Variants in ZNF527 observed in about 807,000 individuals in gnomAD.
The protein encoded by ZNF527 is zinc finger protein 527.
ZNF527 carries 5 observed loss-of-function variants against 13.5 expected under a neutral mutation model. That is an observed-to-expected ratio of 0.37 (90% confidence interval 0.19 to 0.78). The LOEUF is 0.78. Among genes scored for constraint, ZNF527 ranks in the 30% least tolerant of loss-of-function variants. The probability of loss-of-function intolerance (pLI) is 0.48; values close to 1 mark genes in which losing one functional copy is unlikely to be tolerated. For synonymous variants in ZNF527, 209 were observed against 243.1 expected (o/e 0.86, Z 1.30); for missense variants, 628 against 726.4 (o/e 0.86, Z 1.56).
intron 4 of ZNF527, among the ~76,000 whole-genome samples, chr19:37,380,746 C>CA (rs1568694208): frequency 6.6e-6 from 1 of 151,812 alleles, no homozygotes; most frequent in Non-Finnish European, 1.5e-5. Flanking sequence ...GCAGTTTTGC[C>CA]AAAAAACGCA....
chr19:37,377,005 T>C (rs936759784), intron 2 of ZNF527, among the ~76,000 whole-genome samples: 7 of 152,222 alleles, frequency 4.6e-5, no homozygotes, highest in Non-Finnish European at 8.8e-5. Flanking sequence ...ATTACATATG[T>C]GACTCAAGTA....
chr19:37,385,556 T>G (rs1046828045), intron 4 of ZNF527: 2 of 386,724 alleles, frequency 5.2e-6, no homozygotes, highest in Non-Finnish European at 9.1e-6. Context: ...CATAATTTTC[T>G]TTTATATTAT....
intron 4 of ZNF527, among the ~76,000 whole-genome samples, chr19:37,381,728 A>G (rs1160638498): frequency 5.3e-5 from 8 of 152,118 alleles, no homozygotes; most frequent in African/African-American, 1.7e-4. Flanking sequence ...GGATCTCTTC[A>G]ACTATTATTA....
chr19:37,378,256 G>A (rs2146809571), intron 2 of ZNF527, among the ~76,000 whole-genome samples: 1 of 152,198 alleles, frequency 6.6e-6, no homozygotes, highest in South Asian at 2.1e-4. Context: ...TCGAACTCCT[G>A]ACTTCAGGTG....
rs1253337568 is a variant in ZNF527, at chr19:37,388,578, G to GT, written c.530dup (p.Phe178IlefsTer15). On this transcript the variant is annotated frameshift_variant, in exon 5 of 5. Coordinates refer to ENST00000436120, the MANE Select transcript of ZNF527 (RefSeq NM_032453.2). LOFTEE classifies it low-confidence loss of function (END_TRUNC). The stretch of plus-strand genomic sequence containing the variant: ...TGGGAGAAGCATACCCCTGAAATCA[G>GT]TATTTTTAACACAACAGAAAGTTCC... The GT allele has an allele frequency of 6.2e-7, 1 of 1,613,976 alleles. No individual in the cohort carries two copies. The highest frequency in any genetic ancestry group is 1.3e-5 in the African/African-American group (1 of 74,908).
At chr19:37,385,714 T>C (rs9917081) in intron 4 of ZNF527, 36,001 of 176,568 alleles carry the variant, frequency 0.2, 3,930 homozygotes, top group South Asian at 0.31. Context: ...GTTGCAATTA[T>C]ATATTACATG....
At chr19:37,373,871 A>G (rs2040578463) in intron 1 of ZNF527, among the ~76,000 whole-genome samples, 1 of 152,140 alleles carries the variant, frequency 6.6e-6, no homozygotes, top group South Asian at 2.1e-4. Flanking sequence ...GAAGGGTAGG[A>G]AATTAGGTCA....
At position 37,389,657 on chromosome 19, in the gene ZNF527, T is replaced by C. The variant is rs770410300; in HGVS notation, c.1608T>C (p.Ser536=). 4.3e-6 allele frequency: 7 copies of C among 1,613,592 alleles called. No individual in the cohort carries two copies. Among genetic ancestry groups the C allele is most frequent in the Middle Eastern group, 1.6e-4 (1 of 6,082 alleles). ...YECNKCGKAF[S]CGSYLNQHQR... Reference sequence around the variant, plus strand: ...GTAACAAATGTGGAAAGGCCTTCAGTTGTGGCTCATATCTTAATCAACATC... The same window carrying C: ...GTAACAAATGTGGAAAGGCCTTCAGCTGTGGCTCATATCTTAATCAACATC... The change falls in exon 5 of 5, where the codon AGT becomes AGC. Residue 536 remains serine (S), a synonymous_variant. Transcript: ENST00000436120.
At chr19:37,371,742 GTGAT>G (rs1459636055) in intron 1 of ZNF527, among the ~76,000 whole-genome samples, 2 of 152,108 alleles carry the variant, frequency 1.3e-5, no homozygotes, top group African/African-American at 4.8e-5. Flanking sequence ...GTGATTGTGT[GTGAT>G]TGTTTATCTC....
At chr19:37,371,873 G>A (rs1412540133) in intron 1 of ZNF527, among the ~76,000 whole-genome samples, 3 of 152,058 alleles carry the variant, frequency 2.0e-5, no homozygotes, top group Non-Finnish European at 4.4e-5. Flanking sequence ...GAATTTGTGT[G>A]TATATATGAG....
intron 2 of ZNF527, among the ~76,000 whole-genome samples, chr19:37,376,206 T>G (rs2040606497): frequency 6.6e-6 from 1 of 151,752 alleles, no homozygotes; most frequent in African/African-American, 2.4e-5. Context: ...TCCAAAAACA[T>G]AGGCATGGCG....
Position 37,389,051 on chromosome 19 carries a change from A to G in ZNF527, c.1002A>G (p.Glu334=). 8.1e-6 allele frequency: 13 copies of G among 1,614,242 alleles called. No individual in the cohort carries two copies. The highest frequency in any genetic ancestry group is 1.1e-5 in the Non-Finnish European group (13 of 1,180,034). Residue 334 remains glutamate (E), a synonymous_variant, in exon 5 of 5, where the codon GAA becomes GAG. Coordinates refer to ENST00000436120, the MANE Select transcript of ZNF527 (RefSeq NM_032453.2). ...HIGEKPYECK[E]CNKAFRQSAH... ...GGGAGAAACCTTATGAATGTAAGGA[A>G]TGTAACAAAGCTTTCAGACAGAGTG...
intron 1 of ZNF527, among the ~76,000 whole-genome samples, chr19:37,371,720 GCTA>G (rs2040558335): frequency 1.3e-5 from 2 of 152,166 alleles, no homozygotes; most frequent in Non-Finnish European, 2.9e-5. Context: ...TCTGTGGTAT[GCTA>G]CTTTGTGTGT....
At chr19:37,380,427 G>A (rs1234576754) in intron 4 of ZNF527, 55 bp downstream of exon 4, 1 of 1,480,464 alleles carries the variant, frequency 6.8e-7, no homozygotes, top group Non-Finnish European at 9.4e-7. Flanking sequence ...CAACCAAGTA[G>A]TAAGTAGGAA....
intron 4 of ZNF527, among the ~76,000 whole-genome samples, chr19:37,382,941 G>A (rs1380767343): frequency 6.6e-6 from 1 of 152,014 alleles, no homozygotes; most frequent in African/African-American, 2.4e-5. Context: ...TCTTGACCTC[G>A]TGATCCGTGC....
rs750041418 is a variant in ZNF527 at position 37,383,539 on chromosome 19, A to ATTT, written c.256+3181_256+3183dup. Among the ~76,000 whole-genome samples, 49 of 121,270 alleles carry ATTT rather than the reference A, an allele frequency of 4.0e-4. No individual in the cohort carries two copies. In the South Asian group the frequency reaches 0.012, roughly 30 times the overall value. 79.6% of individuals were successfully genotyped at this position (121,270 alleles called of 152,430 possible). ...AGGTGTGAGCTACCACACCCAGCTGATTTTTTTTTTTTTTTTGAGACAGAG... is the reference window on the plus strand; with the variant it reads ...AGGTGTGAGCTACCACACCCAGCTGATTTTTTTTTTTTTTTTTTTGAGACAGAG... On this transcript the variant is annotated intron_variant, in intron 4 of 4. Coordinates refer to ENST00000436120, the MANE Select transcript of ZNF527 (RefSeq NM_032453.2).
At chr19:37,382,767 G>A (rs2040664535) in intron 4 of ZNF527, among the ~76,000 whole-genome samples, 2 of 151,992 alleles carry the variant, frequency 1.3e-5, no homozygotes, top group African/African-American at 4.8e-5. Context: ...GAGTGCAGTG[G>A]GCAATCTCGG....
Position 37,374,245 on chromosome 19 carries a change from T to C in ZNF527, c.33+14T>C, listed in dbSNP as rs368926650. ...GCCATGTCCCAGGTAAGCATGCTCT[T>C]TCACTTTGTTTTCAGACATTTGACC... On this transcript the variant is annotated intron_variant, in intron 2 of 4. Transcript: ENST00000436120. The C allele has an allele frequency of 2.0e-5, 33 of 1,613,900 alleles. No homozygotes were observed. In the African/African-American group the frequency reaches 4.4e-4, roughly 22 times the overall value.
chr19:37,388,547 T>C lies in ZNF527; in HGVS notation c.498T>C (p.Ser166=). The C allele has an allele frequency of 3.7e-6, 6 of 1,614,190 alleles. No homozygotes were observed. The highest frequency in any genetic ancestry group is 5.1e-6 in the Non-Finnish European group (6 of 1,180,020). ...ISTGKRDNEF[S]NSGRSIPLKS... ...CTGGGAAAAGAGACAATGAATTTAGTAATTCTGGGAGAAGCATACCCCTGA... is the reference window on the plus strand; with the variant it reads ...CTGGGAAAAGAGACAATGAATTTAGCAATTCTGGGAGAAGCATACCCCTGA... The change falls in exon 5 of 5, where the codon AGT becomes AGC. Residue 166 remains serine, a synonymous_variant. Transcript: ENST00000436120.
Sources: allele counts gnomAD v4.1 joint callset (sites outside exome capture counted in the v4.1 genomes callset), GRCh38; gene constraint gnomAD v4.1.1; transcripts MANE v1.5; gene names NCBI Gene and HGNC (gene_info 2026-07-23, HGNC 2026-07-21).